Variants in FBXL14 observed in about 807,000 individuals in gnomAD.
FBXL14 encodes the protein F-box and leucine rich repeat protein 14, also known as F-box/LRR-repeat protein 14.
A neutral mutation model predicts 24.5 loss-of-function variants in FBXL14; 11 were observed. The observed-to-expected ratio is 0.45, with a 90% CI of 0.28 to 0.74. FBXL14 has a LOEUF of 0.74. FBXL14 is among the 30% of genes least tolerant of loss of function. The pLI, the probability that FBXL14 is intolerant of heterozygous loss-of-function variation, is 0.12. For synonymous variants in FBXL14, 294 were observed against 240.4 expected (o/e 1.22, Z -2.06); for missense variants, 384 against 545.6 (o/e 0.70, Z 2.95).
chr12:1,585,258 C>T (rs1029862357), intron 1 of FBXL14, among the ~76,000 whole-genome samples: 8 of 152,116 alleles, frequency 5.3e-5, no homozygotes, highest in Non-Finnish European at 1.2e-4. Context: ...ATTAGCCGGG[C>T]GTGGTGGCAG....
rs551333458 is a variant in FBXL14 at position 1,576,160 on chromosome 12, C to T, written c.1195-9350G>A. 2.3e-3 allele frequency among the ~76,000 whole-genome samples: 355 copies of T among 152,188 alleles called. 1 individual carries two copies. Among genetic ancestry groups the T allele is most frequent in the Non-Finnish European group, 3.3e-3 (224 of 68,018 alleles). Reference sequence around the variant, plus strand: ...AGATGAAGCAGGGAGTGATTTAAATCGTCATTTAAATCAAGGACCTGATTT... The same window carrying T: ...AGATGAAGCAGGGAGTGATTTAAATTGTCATTTAAATCAAGGACCTGATTT... On this transcript the variant is annotated intron_variant, in intron 1 of 1. Transcript: ENST00000339235.
At chr12:1,586,966 G>A (rs575856613) in intron 1 of FBXL14, among the ~76,000 whole-genome samples, 11 of 152,282 alleles carry the variant, frequency 7.2e-5, no homozygotes, top group Admixed American at 1.3e-4. Flanking sequence ...GGCCGGGCGC[G>A]GTGGCTCATG....
At chr12:1,588,711 G>T (rs967803857) in intron 1 of FBXL14, among the ~76,000 whole-genome samples, 7 of 152,124 alleles carry the variant, frequency 4.6e-5, no homozygotes, top group African/African-American at 1.7e-4. Context: ...AGATGATAAG[G>T]TTTACACGAA....
chr12:1,574,598 G>A, intron 1 of FBXL14: 1 of 220,376 alleles, frequency 4.5e-6, no homozygotes, highest in South Asian at 5.4e-5. Flanking sequence ...AGGCCACCCT[G>A]CTAAGTAGCC....
chr12:1,575,372 A>G (rs573244508), intron 1 of FBXL14, among the ~76,000 whole-genome samples: 24 of 152,272 alleles, frequency 1.6e-4, no homozygotes, highest in African/African-American at 5.5e-4. Flanking sequence ...TATCTGTCTT[A>G]TCTATCGACC....
intron 1 of FBXL14, among the ~76,000 whole-genome samples, chr12:1,592,000 C>G (rs2094491246): frequency 1.3e-5 from 2 of 151,816 alleles, no homozygotes; most frequent in African/African-American, 4.8e-5. Context: ...GAAATTATAG[C>G]CAGAATGTGG....
chr12:1,589,451 AAAAAGACAGGAAGGCAGGAAGAC>A (rs1565590073), intron 1 of FBXL14, among the ~76,000 whole-genome samples: 5 of 139,086 alleles, frequency 3.6e-5, no homozygotes, highest in African/African-American at 1.6e-4. Flanking sequence ...AAAAAAAAAA[AAAAAGACAGGAAGGCAGGAAGAC>A]AGGAAGGAAG....
intron 1 of FBXL14, among the ~76,000 whole-genome samples, chr12:1,584,827 G>A (rs571625762): frequency 6.7e-6 from 1 of 149,508 alleles, no homozygotes; most frequent in Admixed American, 6.6e-5. Context: ...CCATCTTGTC[G>A]TTGTTGTTGT....
At chr12:1,570,071 G>A (rs533707818) in intron 1 of FBXL14, among the ~76,000 whole-genome samples, 1 of 152,206 alleles carries the variant, frequency 6.6e-6, no homozygotes, top group Non-Finnish European at 1.5e-5. Context: ...CCCTCTGGTC[G>A]AAACTCCGCC....
At chr12:1,581,985 G>A (rs907502889) in intron 1 of FBXL14, among the ~76,000 whole-genome samples, 1 of 152,118 alleles carries the variant, frequency 6.6e-6, no homozygotes, top group African/African-American at 2.4e-5. Flanking sequence ...AATTAGCCAG[G>A]CATGGTGGCA....
At position 1,593,911 on chromosome 12, in the gene FBXL14, C is replaced by A. The variant is rs376933643; in HGVS notation, c.156G>T (p.Leu52=). The stretch of plus-strand genomic sequence containing the variant: ...GCGACGGGTTGGCCCGGCGCAGGTG[C>A]AGCTTGGCCTCCACCCCCCGCCACA... The part of the protein sequence containing the change: ...KSVWRGVEAK[L]HLRRANPSLF... The change falls in exon 1 of 2, where the codon CTG becomes CTT. Residue 52 remains leucine (L), a synonymous_variant. Coordinates refer to ENST00000339235, the MANE Select transcript of FBXL14 (RefSeq NM_152441.3). This position sits in a 1 kb window ranked among gnomAD's most constrained non-coding sequence, Gnocchi z 7.4. 29 of 1,591,678 alleles carry A rather than the reference C, an allele frequency of 1.8e-5. No homozygotes were observed. In the African/African-American group the frequency reaches 3.5e-4, roughly 19 times the overall value.
At chr12:1,572,162 G>A (rs1328187473) in intron 1 of FBXL14, among the ~76,000 whole-genome samples, 1 of 152,244 alleles carries the variant, frequency 6.6e-6, no homozygotes, top group Non-Finnish European at 1.5e-5. Flanking sequence ...CATGCAGATA[G>A]GCAAGGATAG....
intron 1 of FBXL14, 26 bp downstream of exon 1, chr12:1,592,847 A>G: frequency 6.5e-7 from 1 of 1,536,754 alleles, no homozygotes. Flanking sequence ...GGACAAGGGG[A>G]GCTGGTGCTG....
intron 1 of FBXL14, 138 bp downstream of exon 1, chr12:1,592,735 T>G: frequency 1.3e-6 from 1 of 755,774 alleles, no homozygotes; most frequent in South Asian, 2.4e-5. Context: ...GAAACGAGCC[T>G]GAGGCTTCTG....
chr12:1,570,345 C>T (rs995828418), intron 1 of FBXL14, among the ~76,000 whole-genome samples: 3 of 152,180 alleles, frequency 2.0e-5, no homozygotes, highest in Non-Finnish European at 2.9e-5. Context: ...CCTTATACAA[C>T]GGCTCCTGCC....
chr12:1,570,835 C>G (rs1347381332), intron 1 of FBXL14, among the ~76,000 whole-genome samples: 1 of 151,924 alleles, frequency 6.6e-6, no homozygotes, highest in Non-Finnish European at 1.5e-5. Context: ...GATCTTTTTC[C>G]CTTTGGTGGT....
Position 1,593,959 on chromosome 12 carries a change from C to G in FBXL14, c.108G>C (p.Arg36=). The G allele has an allele frequency of 1.3e-6, 2 of 1,590,336 alleles. No homozygotes were observed. The highest frequency in any genetic ancestry group is 1.7e-6 in the Non-Finnish European group (2 of 1,176,068). The change falls in exon 1 of 2, where the codon CGG becomes CGC. Residue 36 remains arginine, a synonymous_variant. Transcript: ENST00000339235. This position sits in a 1 kb window ranked among gnomAD's most constrained non-coding sequence, Gnocchi z 7.4. ...ACACCGACTTGTGGTAGGCGGCGTC[C>G]CGCCAGGCGGTGCACACCTGCGCCG... is the stretch of plus-strand genomic sequence containing the variant. ...GRAAQVCTAW[R]DAAYHKSVWR...
intron 1 of FBXL14, among the ~76,000 whole-genome samples, chr12:1,583,619 G>A (rs2094471140): frequency 6.6e-6 from 1 of 152,176 alleles, no homozygotes; most frequent in African/African-American, 2.4e-5. Flanking sequence ...AGGAGGTTGT[G>A]GTTCCCCTTG....
chr12:1,578,530 A>T (rs1406793167), intron 1 of FBXL14, among the ~76,000 whole-genome samples: 2 of 152,066 alleles, frequency 1.3e-5, no homozygotes, highest in East Asian at 1.9e-4. Flanking sequence ...AATTCCAGCC[A>T]CTTGGGAGGC....
Sources: allele counts gnomAD v4.1 joint callset (sites outside exome capture counted in the v4.1 genomes callset), GRCh38; gene constraint gnomAD v4.1.1; non-coding constraint Gnocchi (gnomAD v3.1); transcripts MANE v1.5; gene names NCBI Gene and HGNC (gene_info 2026-07-23, HGNC 2026-07-21).